The following CTNNAL1 variants were observed in gnomAD, a reference collection of about 807,000 sequenced individuals.
The protein encoded by CTNNAL1 is alpha-catulin.
CTNNAL1 carries 69 observed loss-of-function variants against 93.6 expected under a neutral mutation model. That is an observed-to-expected ratio of 0.74 (90% CI 0.61 to 0.90). The LOEUF is 0.90. Among genes scored for constraint, CTNNAL1 ranks in the 40% least tolerant of loss-of-function variants. The probability of loss-of-function intolerance (pLI) is 0.00; values close to 1 mark genes in which losing one functional copy is unlikely to be tolerated. For missense variants in CTNNAL1, 836 were observed against 862.0 expected, an observed-to-expected ratio of 0.97 and a Z score of 0.38; for synonymous variants, 286 against 305.4, an observed-to-expected ratio of 0.94 and a Z score of 0.66.
intron 1 of CTNNAL1, among the ~76,000 whole-genome samples, chr9:109,005,467 T>C (rs946508441): frequency 2.0e-5 from 3 of 152,096 alleles, no homozygotes; most frequent in Admixed American, 6.5e-5. Flanking sequence ...GGGAGACGAT[T>C]AGTTCATGGG....
intron 11 of CTNNAL1, among the ~76,000 whole-genome samples, chr9:108,959,364 CAAAAAAAAAAAAA>C (rs36116094): frequency 1.8e-5 from 1 of 55,844 alleles, no homozygotes; most frequent in Non-Finnish European, 3.1e-5. Flanking sequence ...GACTCCATAT[CAAAAAAAAAAAAA>C]AAAAAAAAAA....
intron 8 of CTNNAL1, among the ~76,000 whole-genome samples, chr9:108,974,405 C>T (rs1216264200): frequency 6.6e-6 from 1 of 151,982 alleles, no homozygotes; most frequent in East Asian, 1.9e-4. Context: ...GGGCAGCAGG[C>T]TTTTTATAAA....
At chr9:108,985,047 TG>T (rs553632499) in intron 4 of CTNNAL1, among the ~76,000 whole-genome samples, 2 of 152,130 alleles carry the variant, frequency 1.3e-5, no homozygotes, top group African/African-American at 4.8e-5. Flanking sequence ...TTTGTTTTGG[TG>T]GGGGGTGACT....
At chr9:108,968,799 A>G (rs952196002) in intron 10 of CTNNAL1, among the ~76,000 whole-genome samples, 1 of 152,230 alleles carries the variant, frequency 6.6e-6, no homozygotes, top group African/African-American at 2.4e-5. Context: ...GTTCTCAGCT[A>G]TAAATCAAAG....
In CTNNAL1 at chr9:109,013,410, G is replaced by C; in HGVS notation, c.33C>G (p.Gly11=). 1 of 1,487,818 alleles carries C rather than the reference G, an allele frequency of 6.7e-7. No individual in the cohort carries two copies. The highest frequency in any genetic ancestry group is 8.9e-7 in the Non-Finnish European group (1 of 1,117,534). 92.2% of individuals were successfully genotyped at this position (1,487,818 alleles called of 1,614,324 possible). ...CGGAGCCGTAGACTGCTCCGGCGCC[G>C]CCAACGCCGGCGGGTCCGGGAGAGG... is the stretch of plus-strand genomic sequence containing the variant. MAASPGPAGV[G]GAGAVYGSGS... is the part of the protein sequence containing the mutation. Residue 11 remains glycine (G), a synonymous_variant, in exon 1 of 19, where the codon GGC becomes GGG. Transcript: ENST00000325551.
At chr9:109,000,619 A>C (rs1270387788) in intron 1 of CTNNAL1, among the ~76,000 whole-genome samples, 1 of 152,116 alleles carries the variant, frequency 6.6e-6, no homozygotes, top group Non-Finnish European at 1.5e-5. Context: ...AGCGATATTT[A>C]AGCTGAGATC....
rs1831537346 is a variant in CTNNAL1, at chr9:108,984,413, C to T, written c.663G>A (p.Lys221=). 1 of 1,608,740 alleles carries T rather than the reference C, an allele frequency of 6.2e-7. No homozygotes were observed. Among genetic ancestry groups the T allele is most frequent in the Non-Finnish European group, 8.5e-7 (1 of 1,175,442 alleles). ...RQNDLKDEKK[K]AKMAAARAVL... The stretch of plus-strand genomic sequence containing the variant: ...CTGCCCTAGCTGCTGCCATTTTTGC[C>T]TTTTTCTTTTCATCTTTCAAATCCT... Residue 221 remains lysine, a synonymous_variant, in exon 5 of 19, where the codon AAG becomes AAA. Coordinates refer to ENST00000325551, the MANE Select transcript of CTNNAL1 (RefSeq NM_003798.4).
chr9:108,996,687 C>A (rs993802812), intron 2 of CTNNAL1, among the ~76,000 whole-genome samples: 37 of 152,126 alleles, frequency 2.4e-4, no homozygotes, highest in African/African-American at 8.2e-4. Context: ...CTTTAATCAA[C>A]GGTTGTTAGA....
chr9:108,994,096 G>A (rs1443591657), intron 2 of CTNNAL1, among the ~76,000 whole-genome samples: 1 of 152,206 alleles, frequency 6.6e-6, no homozygotes, highest in Non-Finnish European at 1.5e-5. Flanking sequence ...GCCAGGTGTG[G>A]TGGCAGGGGC....
Position 108,999,188 on chromosome 9 carries a change from A to G in CTNNAL1, c.210T>C (p.Arg70=). The G allele has an allele frequency of 6.2e-7, 1 of 1,613,316 alleles. No individual in the cohort carries two copies. Among genetic ancestry groups the G allele is most frequent in the South Asian group, 1.1e-5 (1 of 90,822 alleles). ...KSDKTLQAIQ[R]VGQAVNLAVG... is the part of the protein sequence containing the mutation. ...CTGCCAAGTTGACAGCTTGTCCTAC[A>G]CGCTGAATTGCTTGCAGAGTTTTAT... The change falls in exon 2 of 19, where the codon CGT becomes CGC. Residue 70 remains arginine, a synonymous_variant. Coordinates refer to ENST00000325551, the MANE Select transcript of CTNNAL1 (RefSeq NM_003798.4).
chr9:108,955,726 A>C, intron 12 of CTNNAL1, 64 bp downstream of exon 12: 1 of 1,400,074 alleles, frequency 7.1e-7, no homozygotes, highest in Non-Finnish European at 1.0e-6. Flanking sequence ...AGCAACAGGC[A>C]ACAAGAGCAT....
chr9:108,995,987 C>G (rs1034947561), intron 2 of CTNNAL1, among the ~76,000 whole-genome samples: 3 of 150,962 alleles, frequency 2.0e-5, no homozygotes, highest in African/African-American at 7.3e-5. Context: ...GAGACAGGGT[C>G]TCTCTCTGTC....
intron 1 of CTNNAL1, among the ~76,000 whole-genome samples, chr9:109,010,808 T>C (rs1827182675): frequency 6.6e-6 from 1 of 152,240 alleles, no homozygotes; most frequent in African/African-American, 2.4e-5. Flanking sequence ...TTAAACCGTA[T>C]AGTGCCAGTC....
intron 8 of CTNNAL1, among the ~76,000 whole-genome samples, chr9:108,974,235 T>A (rs758296756): frequency 2.6e-5 from 4 of 152,192 alleles, no homozygotes; most frequent in Non-Finnish European, 4.4e-5. Flanking sequence ...GTAATGAAAA[T>A]GAAGCCTGTG....
intron 15 of CTNNAL1, among the ~76,000 whole-genome samples, chr9:108,945,082 T>C (rs934359282): frequency 6.6e-6 from 1 of 152,212 alleles, no homozygotes; most frequent in Admixed American, 6.5e-5. Flanking sequence ...CATGTCTGTC[T>C]CATACAGTAT....
chr9:108,969,774 TC>T (rs763622450), intron 10 of CTNNAL1, among the ~76,000 whole-genome samples: 1 of 152,182 alleles, frequency 6.6e-6, no homozygotes, highest in Non-Finnish European at 1.5e-5. Context: ...TGCCTCAGCC[TC>T]CTGAGTAGCT....
At chr9:108,956,675 GAGCACTA>G (rs1378110996) in intron 11 of CTNNAL1, among the ~76,000 whole-genome samples, 1 of 152,166 alleles carries the variant, frequency 6.6e-6, no homozygotes, top group Admixed American at 6.5e-5. Context: ...CATAATATAA[GAGCACTA>G]AATCATACCT....
intron 9 of CTNNAL1, 95 bp from the exon 10 acceptor site, chr9:108,970,589 A>C: frequency 9.3e-7 from 1 of 1,080,314 alleles, no homozygotes; most frequent in Non-Finnish European, 1.2e-6. Context: ...TTTACAAATA[A>C]AATTTCTTAA....
At chr9:109,004,979 A>T (rs931273397) in intron 1 of CTNNAL1, among the ~76,000 whole-genome samples, 5 of 152,190 alleles carry the variant, frequency 3.3e-5, no homozygotes, top group African/African-American at 1.2e-4. Flanking sequence ...CTTGGCTCAT[A>T]CAACTAATAA....
Sources: allele counts gnomAD v4.1 joint callset (sites outside exome capture counted in the v4.1 genomes callset), GRCh38; gene constraint gnomAD v4.1.1; transcripts MANE v1.5; gene names NCBI Gene and HGNC (gene_info 2026-07-23, HGNC 2026-07-21).